LRRTM4: variants seen among roughly 807,000 people sequenced by gnomAD.
LRRTM4 encodes leucine rich repeat transmembrane neuronal 4.
A neutral mutation model predicts 47.6 loss-of-function variants in LRRTM4; 25 were observed. The ratio of observed to expected loss-of-function variants is 0.53; its 90% CI spans 0.38 to 0.73. The LOEUF is 0.73. Among genes scored for constraint, LRRTM4 ranks in the 30% least tolerant of loss-of-function variants. The pLI is 0.00. For missense variants in LRRTM4, 638 were observed against 713.4 expected (o/e 0.89, Z 1.20); for synonymous variants, 311 against 269.5 (o/e 1.15, Z -1.51).
chr2:76,914,618 A>G (rs1016186153), intron 3 of LRRTM4, among the ~76,000 whole-genome samples: 7 of 152,194 alleles, frequency 4.6e-5, no homozygotes, highest in Admixed American at 2.0e-4. Flanking sequence ...AGAGAATTGC[A>G]TGTGTAAATG....
intron 3 of LRRTM4, among the ~76,000 whole-genome samples, chr2:77,058,664 C>T (rs1001651072): frequency 6.6e-6 from 1 of 151,926 alleles, no homozygotes; most frequent in African/African-American, 2.4e-5. Flanking sequence ...TTGATTAAAA[C>T]CAGAACATAT....
intron 3 of LRRTM4, among the ~76,000 whole-genome samples, chr2:77,476,343 G>T (rs1190302995): frequency 1.3e-5 from 2 of 151,956 alleles, no homozygotes; most frequent in Non-Finnish European, 2.9e-5. Flanking sequence ...CATTTATTCA[G>T]AAAATTATTA....
chr2:77,503,117 A>C (rs62159463), intron 3 of LRRTM4, among the ~76,000 whole-genome samples: 7,136 of 151,500 alleles, frequency 0.047, 334 homozygotes, highest in Admixed American at 0.16. Flanking sequence ...CTTTAAATAA[A>C]TAATGGAGGA....
chr2:77,212,145 G>T (rs1229809815), intron 3 of LRRTM4, among the ~76,000 whole-genome samples: 2 of 151,876 alleles, frequency 1.3e-5, no homozygotes, highest in African/African-American at 2.4e-5. Context: ...ATTGAGCATT[G>T]CTGAAATGAC....
At chr2:76,977,760 G>T (rs1386855760) in intron 3 of LRRTM4, among the ~76,000 whole-genome samples, 1 of 151,922 alleles carries the variant, frequency 6.6e-6, no homozygotes, top group South Asian at 2.1e-4. Context: ...TTATATTTCA[G>T]TCATAAAGGA....
At position 76,780,432 on chromosome 2, in the gene LRRTM4, C is replaced by T. The variant is rs549858241; in HGVS notation, c.1552-31516G>A. On this transcript the variant is annotated intron_variant, in intron 3 of 3. Coordinates refer to ENST00000409884, the MANE Select transcript of LRRTM4 (RefSeq NM_001134745.3). ...GTAGATTTGGTCTTTTCACATAGTC[C>T]CATATTTCTTGGAGGCTTTGCTCAT... Among the ~76,000 whole-genome samples, 35 of 152,218 alleles carry T rather than the reference C, an allele frequency of 2.3e-4. No homozygotes were observed. In the South Asian group the frequency reaches 6.9e-3, roughly 30 times the overall value.
At chr2:77,102,838 A>T (rs1037964974) in intron 3 of LRRTM4, among the ~76,000 whole-genome samples, 4 of 152,174 alleles carry the variant, frequency 2.6e-5, no homozygotes, top group African/African-American at 9.7e-5. Flanking sequence ...TGCTTTTGCT[A>T]ATAAAGTCTT....
At chr2:77,226,844 G>A (rs1674827650) in intron 3 of LRRTM4, among the ~76,000 whole-genome samples, 1 of 151,918 alleles carries the variant, frequency 6.6e-6, no homozygotes, top group Non-Finnish European at 1.5e-5. Context: ...ACTGATAGTT[G>A]AGTGACTTTA....
At chr2:77,448,293 T>C (rs933879082) in intron 3 of LRRTM4, among the ~76,000 whole-genome samples, 11 of 152,142 alleles carry the variant, frequency 7.2e-5, no homozygotes, top group Non-Finnish European at 1.6e-4. Context: ...ATGAGATGAT[T>C]GGCAAGGCCA....
chr2:77,106,032 G>A (rs1671084482), intron 3 of LRRTM4, among the ~76,000 whole-genome samples: 1 of 151,914 alleles, frequency 6.6e-6, no homozygotes, highest in East Asian at 1.9e-4. Context: ...CTATCCTGGG[G>A]CCTTTGCACC....
At position 76,875,935 on chromosome 2, in the gene LRRTM4, G is replaced by A. The variant is rs150769708; in HGVS notation, c.1552-127019C>T. On this transcript the variant is annotated intron_variant, in intron 3 of 3. Coordinates refer to ENST00000409884, the MANE Select transcript of LRRTM4 (RefSeq NM_001134745.3). The stretch of plus-strand genomic sequence containing the variant: ...CTTCCATAGAGAAGCACCAATATGG[G>A]AACACCTACTGAGAGAGAGCATTTA... Among the ~76,000 whole-genome samples, 691 of 152,198 alleles carry A rather than the reference G, an allele frequency of 4.5e-3. 2 individuals carry two copies. The highest frequency in any genetic ancestry group is 0.016 in the African/African-American group (660 of 41,550).
rs956600629 is a variant in LRRTM4, at chr2:76,864,526, G to A, written c.1552-115610C>T. Among the ~76,000 whole-genome samples, 15 of 151,860 alleles carry A rather than the reference G, an allele frequency of 9.9e-5. No individual in the cohort carries two copies. In the South Asian group the frequency reaches 1.3e-3, roughly 13 times the overall value. ...TACAAAATTAGCTTGGCGTGGTGGC[G>A]CATGCCTGTAATCCCAGCTACTCGG... On this transcript the variant is annotated intron_variant, in intron 3 of 3. Coordinates refer to ENST00000409884, the MANE Select transcript of LRRTM4 (RefSeq NM_001134745.3).
chr2:77,371,357 T>C (rs1407510206), intron 3 of LRRTM4, among the ~76,000 whole-genome samples: 5 of 151,770 alleles, frequency 3.3e-5, no homozygotes. Flanking sequence ...CAGCACCACC[T>C]GCCAATTCTG....
chr2:76,935,750 C>A (rs1284913555), intron 3 of LRRTM4, among the ~76,000 whole-genome samples: 2 of 152,134 alleles, frequency 1.3e-5, no homozygotes, highest in Non-Finnish European at 2.9e-5. Flanking sequence ...TGGGCTGAGA[C>A]AATGGGGTTT....
chr2:77,419,094 A>T (rs1450455804), intron 3 of LRRTM4, among the ~76,000 whole-genome samples: 1 of 152,262 alleles, frequency 6.6e-6, no homozygotes, highest in Non-Finnish European at 1.5e-5. Context: ...CACAATATAT[A>T]GTAGACACAA....
At chr2:76,923,676 C>T (rs1255460818) in intron 3 of LRRTM4, among the ~76,000 whole-genome samples, 3 of 152,002 alleles carry the variant, frequency 2.0e-5, no homozygotes, top group African/African-American at 7.2e-5. Context: ...ATTTTGTTTG[C>T]CACTTCCTTT....
At chr2:77,299,287 A>G (rs1404390625) in intron 3 of LRRTM4, among the ~76,000 whole-genome samples, 1 of 150,904 alleles carries the variant, frequency 6.6e-6, no homozygotes, top group Non-Finnish European at 1.5e-5. Context: ...ACACACACAC[A>G]CGTATATGTA....
intron 3 of LRRTM4, among the ~76,000 whole-genome samples, chr2:76,798,673 G>T (rs1268150124): frequency 6.6e-6 from 1 of 151,108 alleles, no homozygotes; most frequent in African/African-American, 2.4e-5. Context: ...CTGGTTTTTT[G>T]AAAGGATCAA....
At chr2:77,289,302 T>G (rs950770240) in intron 3 of LRRTM4, among the ~76,000 whole-genome samples, 1 of 152,048 alleles carries the variant, frequency 6.6e-6, no homozygotes, top group African/African-American at 2.4e-5. Context: ...AAAGGAAAAT[T>G]TGAAAGGTAA....
Sources: gnomAD v4.1 joint callset for allele counts (sites outside exome capture counted in the v4.1 genomes callset) on GRCh38, gnomAD v4.1.1 for gene constraint, MANE v1.5 for transcripts, NCBI Gene and HGNC (gene_info 2026-07-23, HGNC 2026-07-21) for gene names.